The following PCDH11X variants were observed in gnomAD, a reference collection of about 807,000 sequenced individuals.
PCDH11X encodes protocadherin-11 X-linked.
A neutral mutation model predicts 53.3 loss-of-function variants in PCDH11X; 18 were observed. The ratio of observed to expected loss-of-function variants is 0.34; its 90% CI spans 0.23 to 0.50. PCDH11X has a LOEUF of 0.50. PCDH11X is among the 20% of genes least tolerant of loss of function. The pLI is 0.98. For missense variants in PCDH11X, 570 were observed against 1,032.4 expected, an observed-to-expected ratio of 0.55 and a Z score of 6.14; for synonymous variants, 279 against 393.3, an observed-to-expected ratio of 0.71 and a Z score of 3.44.
At chrX:91,977,698 T>C (rs2062064926) in intron 6 of PCDH11X, among the ~76,000 whole-genome samples, 1 of 111,161 alleles carries the variant, frequency 9.0e-6, no homozygotes, top group South Asian at 3.8e-4. Flanking sequence ...TACAATGTCA[T>C]CACCCTTTCT....
At position 92,505,379 on chromosome X, in the gene PCDH11X, T is replaced by C. The variant is rs1230546224; in HGVS notation, c.3367+37057T>C. ...CTCAACTTGGGTTAATTTTTGTGTA[T>C]GGTATAAGGAAGGGGTCCTGTTTCA... On this transcript the variant is annotated intron_variant, in intron 10 of 10. Coordinates refer to ENST00000682573, the MANE Select transcript of PCDH11X (RefSeq NM_032968.5). 6.4e-5 allele frequency among the ~76,000 whole-genome samples: 7 copies of C among 109,936 alleles called. No individual in the cohort carries two copies. In the South Asian group the frequency reaches 2.3e-3, roughly 36 times the overall value.
At chrX:92,401,614 A>G (rs963221027) in intron 9 of PCDH11X, among the ~76,000 whole-genome samples, 14 of 112,314 alleles carry the variant, frequency 1.2e-4, no homozygotes, top group Non-Finnish European at 1.7e-4. Flanking sequence ...CACAGGAAGC[A>G]TAAGGACTAT....
At chrX:92,312,366 T>A (rs2068968951) in intron 8 of PCDH11X, among the ~76,000 whole-genome samples, 1 of 110,637 alleles carries the variant, frequency 9.0e-6, no homozygotes, top group Non-Finnish European at 1.9e-5. Context: ...ATGAAAAAAA[T>A]TTATTAGCAT....
chrX:92,500,942 T>A (rs1344710767), intron 10 of PCDH11X, among the ~76,000 whole-genome samples: 1 of 110,642 alleles, frequency 9.0e-6, no homozygotes, highest in Non-Finnish European at 1.9e-5. Flanking sequence ...CAGGAGCTAT[T>A]TTTTTGAAAA....
chrX:91,846,349 G>A (rs1222195855), intron 5 of PCDH11X, among the ~76,000 whole-genome samples: 1 of 111,375 alleles, frequency 9.0e-6, no homozygotes, highest in Non-Finnish European at 1.9e-5. Flanking sequence ...CGGGCGCGGT[G>A]GCTCATGCCT....
At chrX:92,158,024 G>A (rs1268260967) in intron 6 of PCDH11X, among the ~76,000 whole-genome samples, 8 of 110,670 alleles carry the variant, frequency 7.2e-5, no homozygotes, top group African/African-American at 2.6e-4. Context: ...AGACCAGCCT[G>A]ACCAACATGG....
intron 10 of PCDH11X, among the ~76,000 whole-genome samples, chrX:92,607,473 G>A (rs1926943036): frequency 9.0e-6 from 1 of 111,611 alleles, no homozygotes; most frequent in Non-Finnish European, 1.9e-5. Flanking sequence ...TCTGGAGTTT[G>A]ACGGGAAATG....
At chrX:92,454,935 C>T (rs915747685) in intron 9 of PCDH11X, among the ~76,000 whole-genome samples, 2 of 108,379 alleles carry the variant, frequency 1.8e-5, no homozygotes, top group African/African-American at 6.7e-5. Context: ...TAATCTTGCA[C>T]AAAAATTTTG....
chrX:92,312,712 G>C (rs2068977231), intron 8 of PCDH11X, among the ~76,000 whole-genome samples: 1 of 111,828 alleles, frequency 8.9e-6, no homozygotes, highest in Non-Finnish European at 1.9e-5. Flanking sequence ...CATTTTTACA[G>C]TTTTAAATTT....
At chrX:91,937,966 T>C (rs2524679) in intron 6 of PCDH11X, among the ~76,000 whole-genome samples, 1 of 111,553 alleles carries the variant, frequency 9.0e-6, no homozygotes, top group East Asian at 2.8e-4. Flanking sequence ...TTGAGAAAAT[T>C]ATCACTAGAA....
chrX:92,591,622 G>A (rs1925043361), intron 10 of PCDH11X, among the ~76,000 whole-genome samples: 3 of 111,439 alleles, frequency 2.7e-5, no homozygotes, highest in African/African-American at 9.8e-5. Flanking sequence ...ACGTCCTTGA[G>A]AGCATGACTT....
At chrX:91,998,802 T>C (rs1440825761) in intron 6 of PCDH11X, among the ~76,000 whole-genome samples, 1 of 111,883 alleles carries the variant, frequency 8.9e-6, no homozygotes, top group African/African-American at 3.2e-5. Flanking sequence ...TTTCCAATAT[T>C]ATCACTATGC....
intron 9 of PCDH11X, among the ~76,000 whole-genome samples, chrX:92,438,444 A>G (rs2072438994): frequency 9.0e-6 from 1 of 111,073 alleles, no homozygotes; most frequent in African/African-American, 3.3e-5. Flanking sequence ...AAAATATGAT[A>G]CCTTGGCATA....
intron 1 of PCDH11X, among the ~76,000 whole-genome samples, chrX:91,791,251 A>G (rs1935522235): frequency 9.1e-6 from 1 of 110,334 alleles, no homozygotes; most frequent in South Asian, 3.9e-4. Flanking sequence ...TTGCATTGCT[A>G]TAAAGAACTA....
chrX:92,447,843 G>A (rs1486767841), intron 9 of PCDH11X, among the ~76,000 whole-genome samples: 1 of 112,306 alleles, frequency 8.9e-6, no homozygotes, highest in African/African-American at 3.2e-5. Flanking sequence ...GGGAGGGAGG[G>A]TGTACCCTGC....
intron 7 of PCDH11X, among the ~76,000 whole-genome samples, chrX:92,262,557 GT>G (rs1489947142): frequency 8.1e-5 from 9 of 111,402 alleles, no homozygotes; most frequent in Non-Finnish European, 1.7e-4. Context: ...AAAGGATTTA[GT>G]TGAACAGAGT....
At chrX:92,236,790 T>C (rs1453685778) in intron 7 of PCDH11X, among the ~76,000 whole-genome samples, 1 of 111,395 alleles carries the variant, frequency 9.0e-6, no homozygotes, top group Non-Finnish European at 1.9e-5. Context: ...GTTAATATGT[T>C]GGTACTGCTT....
intron 6 of PCDH11X, among the ~76,000 whole-genome samples, chrX:92,111,889 T>TG (rs1324042022): frequency 9.1e-6 from 1 of 109,959 alleles, no homozygotes; most frequent in African/African-American, 3.3e-5. Context: ...CCCGAGTAGC[T>TG]GGGACTACAG....
intron 6 of PCDH11X, among the ~76,000 whole-genome samples, chrX:92,055,552 T>G (rs1457534231): frequency 9.2e-6 from 1 of 109,088 alleles, no homozygotes; most frequent in Non-Finnish European, 1.9e-5. Context: ...CATATTAGAT[T>G]TATTTACTTA....
Sources: allele counts gnomAD v4.1 joint callset (sites outside exome capture counted in the v4.1 genomes callset), GRCh38; gene constraint gnomAD v4.1.1; transcripts MANE v1.5; gene names NCBI Gene and HGNC (gene_info 2026-07-23, HGNC 2026-07-21).